Variants in MAP4 observed in about 807,000 individuals in gnomAD.
MAP4 encodes microtubule-associated protein 4.
MAP4 carries 76 observed loss-of-function variants against 170.2 expected under a neutral mutation model. The observed-to-expected ratio is 0.45, with a 90% CI of 0.37 to 0.54. The LOEUF is 0.54. MAP4 is among the 20% of genes least tolerant of loss of function. MAP4 has a pLI of 0.00. For synonymous variants in MAP4, 909 were observed against 994.5 expected (o/e 0.91, Z 1.62); for missense variants, 2,506 against 2,748.0 (o/e 0.91, Z 1.97).
intron 3 of MAP4, among the ~76,000 whole-genome samples, chr3:47,928,635 A>G (rs993732893): frequency 2.6e-5 from 4 of 152,144 alleles, no homozygotes; most frequent in African/African-American, 9.7e-5. Flanking sequence ...CTGCACTCCA[A>G]CCTGGGCAAC....
chr3:47,864,591 A>C (rs111368331), intron 17 of MAP4, among the ~76,000 whole-genome samples: 2 of 152,024 alleles, frequency 1.3e-5, no homozygotes, highest in Non-Finnish European at 2.9e-5. Context: ...GCAGGAGAAT[A>C]GCATCAATCC....
upstream of MAP4, among the ~76,000 whole-genome samples, chr3:48,019,518 G>A (rs921216602): frequency 6.6e-6 from 1 of 152,112 alleles, no homozygotes; most frequent in African/African-American, 2.4e-5. Context: ...TTAGTGCTGA[G>A]GAGATTGGAA....
Position 47,909,284 on chromosome 3 carries a change from C to A in MAP4, c.5137G>T (p.Val1713Leu). ...APPSEVADTL[V>L]IMTASKGVRL... ...ACACCCTTGGAAGCAGTCATTATTACTAACGTATCCGCCACCTCTGAAGGA... is the reference window on the plus strand; with the variant it reads ...ACACCCTTGGAAGCAGTCATTATTAATAACGTATCCGCCACCTCTGAAGGA... The change falls in exon 9 of 21, where the codon GTA (valine) becomes TTA (leucine). Residue 1713 changes from valine (V) to leucine (L), a missense_variant. Transcript: ENST00000683076. The A allele has an allele frequency of 6.2e-7, 1 of 1,613,862 alleles. No homozygotes were observed. Among genetic ancestry groups the A allele is most frequent in the Non-Finnish European group, 8.5e-7 (1 of 1,179,844 alleles).
intron 1 of MAP4, among the ~76,000 whole-genome samples, chr3:48,073,597 GC>G (rs2100142142): frequency 7.3e-6 from 1 of 136,938 alleles, no homozygotes; most frequent in Admixed American, 7.5e-5. Flanking sequence ...GGTGATAAAA[GC>G]AAAACTCCAT....
chr3:47,895,111 G>T (rs913605088), intron 10 of MAP4, among the ~76,000 whole-genome samples: 2 of 151,784 alleles, frequency 1.3e-5, no homozygotes, highest in African/African-American at 4.8e-5. Flanking sequence ...TTAGAAATCA[G>T]GTAAGCCTCA....
chr3:47,983,562 AT>A (rs1169434785), intron 2 of MAP4, among the ~76,000 whole-genome samples: 1 of 151,774 alleles, frequency 6.6e-6, no homozygotes, highest in Admixed American at 6.6e-5. Flanking sequence ...AATTTTTTGT[AT>A]TTTTAGTAGA....
At chr3:48,040,900 G>A (rs1315212915) in intron 1 of MAP4, among the ~76,000 whole-genome samples, 1 of 151,748 alleles carries the variant, frequency 6.6e-6, no homozygotes, top group South Asian at 2.1e-4. Context: ...GGGTTTTGCC[G>A]TTGTTAGCCA....
In MAP4 at chr3:47,937,669, T is replaced by G. The variant is rs936554528; in HGVS notation, c.293-9319A>C. Reference sequence around the variant, plus strand: ...CTTTTTCTTCTTCTTTTTTTTTTTTTTTTTTTTTTGAGACGAAGTCTCACT... The same window carrying G: ...CTTTTTCTTCTTCTTTTTTTTTTTTGTTTTTTTTTGAGACGAAGTCTCACT... On this transcript the variant is annotated intron_variant, in intron 3 of 20. Transcript: ENST00000683076. Among the ~76,000 whole-genome samples, 188 of 146,438 alleles carry G rather than the reference T, an allele frequency of 1.3e-3. 4 individuals are homozygous for G. In the South Asian group the frequency reaches 0.04, roughly 31 times the overall value.
chr3:48,055,816 C>G (rs1266339765), intron 1 of MAP4, among the ~76,000 whole-genome samples: 1 of 139,894 alleles, frequency 7.1e-6, no homozygotes, highest in Non-Finnish European at 1.6e-5. Flanking sequence ...TCTGCCCGGC[C>G]GCCCATAGTC....
intron 1 of MAP4, among the ~76,000 whole-genome samples, chr3:48,063,314 T>G (rs1290532931): frequency 6.6e-6 from 1 of 151,688 alleles, no homozygotes; most frequent in Non-Finnish European, 1.5e-5. Context: ...GAATCACCTA[T>G]AGTCCCAGCT....
upstream of MAP4, among the ~76,000 whole-genome samples, chr3:48,021,123 A>G (rs543653857): frequency 3.3e-5 from 5 of 152,328 alleles, no homozygotes; most frequent in South Asian, 1.0e-3. Context: ...AATGCAACAC[A>G]GGATTAATAC....
At chr3:47,929,312 C>A (rs528489365) in intron 3 of MAP4, among the ~76,000 whole-genome samples, 114 of 152,094 alleles carry the variant, frequency 7.5e-4, no homozygotes, top group African/African-American at 2.3e-3. Flanking sequence ...GCCAAGATTG[C>A]GCCACTGCAC....
chr3:48,039,681 A>G (rs564037246), intron 1 of MAP4, among the ~76,000 whole-genome samples: 2 of 152,394 alleles, frequency 1.3e-5, no homozygotes, highest in African/African-American at 4.8e-5. Context: ...ATTTTAAAGC[A>G]GTCCAAATGG....
chr3:47,883,607 T>C (rs964544453), intron 10 of MAP4, among the ~76,000 whole-genome samples: 1 of 152,248 alleles, frequency 6.6e-6, no homozygotes, highest in South Asian at 2.1e-4. Context: ...TCTTATTTTT[T>C]TGGAGAGCCT....
At chr3:48,082,265 T>A (rs1349087809) in intron 1 of MAP4, among the ~76,000 whole-genome samples, 1 of 152,212 alleles carries the variant, frequency 6.6e-6, no homozygotes, top group East Asian at 1.9e-4. Flanking sequence ...GTAGAGGAAA[T>A]TTTTAAGGAG....
intron 1 of MAP4, among the ~76,000 whole-genome samples, chr3:48,025,417 T>C (rs964259284): frequency 6.6e-6 from 1 of 151,526 alleles, no homozygotes; most frequent in Non-Finnish European, 1.5e-5. Context: ...GCCTCCCAAG[T>C]AGCGGGCAGT....
upstream of MAP4, among the ~76,000 whole-genome samples, chr3:48,019,651 G>A (rs2100109591): frequency 6.6e-6 from 1 of 152,160 alleles, no homozygotes; most frequent in Admixed American, 6.5e-5. Flanking sequence ...CTGGAAGGCT[G>A]AGGCAGGAAA....
chr3:48,050,396 A>G (rs2154548509), intron 1 of MAP4, among the ~76,000 whole-genome samples: 1 of 152,208 alleles, frequency 6.6e-6, no homozygotes, highest in African/African-American at 2.4e-5. Flanking sequence ...AACTATCAAC[A>G]ACCCAACAGA....
At chr3:47,921,994 C>T (rs1469070018) in intron 4 of MAP4, 116 bp from the exon 5 acceptor site, 3 of 607,450 alleles carry the variant, frequency 4.9e-6, no homozygotes, top group Non-Finnish European at 8.8e-6. Context: ...GTTGCCAAGG[C>T]TGGAGTGCAG....
Sources: gnomAD v4.1 joint callset for allele counts (sites outside exome capture counted in the v4.1 genomes callset) on GRCh38, gnomAD v4.1.1 for gene constraint, MANE v1.5 for transcripts, NCBI Gene and HGNC (gene_info 2026-07-23, HGNC 2026-07-21) for gene names.